The following ROBO2 variants were observed in gnomAD, a reference collection of about 807,000 sequenced individuals.
ROBO2 encodes the protein roundabout guidance receptor 2.
Under a neutral mutation model 160.8 loss-of-function variants are expected in ROBO2, and 53 were observed. The observed-to-expected ratio is 0.33, with a 90% CI of 0.26 to 0.41. The LOEUF (loss-of-function observed/expected upper bound fraction) is 0.41, where lower values mean the gene tolerates loss of function less well. ROBO2 is among the 10% of genes least tolerant of loss of function. ROBO2 has a pLI of 1.00. For missense variants in ROBO2, 1,577 were observed against 1,722.4 expected (o/e 0.92, Z 1.49); for synonymous variants, 664 against 611.7 (o/e 1.09, Z -1.26).
chr3:77,163,140 G>T (rs554609309), intron 2 of ROBO2, among the ~76,000 whole-genome samples: 1 of 152,122 alleles, frequency 6.6e-6, no homozygotes, highest in Admixed American at 6.6e-5. Flanking sequence ...CTGGCCAAGG[G>T]TATTACTTTT....
intron 2 of ROBO2, among the ~76,000 whole-genome samples, chr3:77,275,396 C>T (rs1242806717): frequency 1.3e-5 from 2 of 152,158 alleles, no homozygotes; most frequent in African/African-American, 4.8e-5. Flanking sequence ...CCCTGATAAA[C>T]TTGAGTGTAT....
intron 2 of ROBO2, among the ~76,000 whole-genome samples, chr3:76,521,124 C>T (rs1023740871): frequency 6.7e-6 from 1 of 149,000 alleles, no homozygotes; most frequent in Non-Finnish European, 1.5e-5. Context: ...TCTCAACTCA[C>T]CGCAACCTTT....
intron 2 of ROBO2, among the ~76,000 whole-genome samples, chr3:76,686,095 A>G (rs2092679768): frequency 6.6e-6 from 1 of 152,044 alleles, no homozygotes. Context: ...AGTGGAGGGG[A>G]AAGGGCCATC....
intron 2 of ROBO2, among the ~76,000 whole-genome samples, chr3:76,727,685 A>T (rs935784965): frequency 2.6e-5 from 4 of 152,172 alleles, no homozygotes; most frequent in African/African-American, 9.7e-5. Context: ...GTGGAAGCTA[A>T]AAAAGTTGAT....
intron 2 of ROBO2, among the ~76,000 whole-genome samples, chr3:77,158,694 G>A (rs766347440): frequency 2.3e-4 from 35 of 151,976 alleles, no homozygotes; most frequent in Non-Finnish European, 4.0e-4. Context: ...TTTGTCTTCC[G>A]ACATGCTGAA....
At chr3:76,885,172 A>G (rs2073754029) in intron 2 of ROBO2, among the ~76,000 whole-genome samples, 1 of 152,206 alleles carries the variant, frequency 6.6e-6, no homozygotes, top group Non-Finnish European at 1.5e-5. Context: ...AGCCATAGAT[A>G]TGTAACAGTG....
intron 2 of ROBO2, among the ~76,000 whole-genome samples, chr3:76,079,692 C>T (rs2068756887): frequency 6.6e-6 from 1 of 151,768 alleles, no homozygotes; most frequent in South Asian, 2.1e-4. Context: ...CACCGTGTTG[C>T]CCAGGCTGGT....
intron 2 of ROBO2, among the ~76,000 whole-genome samples, chr3:76,755,182 A>G (rs983679274): frequency 1.3e-5 from 2 of 151,952 alleles, no homozygotes; most frequent in Admixed American, 1.3e-4. Context: ...TCTAATACAT[A>G]TTAAAATCTA....
intron 2 of ROBO2, among the ~76,000 whole-genome samples, chr3:76,610,545 A>G (rs1482244120): frequency 6.6e-6 from 1 of 152,174 alleles, no homozygotes; most frequent in Non-Finnish European, 1.5e-5. Flanking sequence ...GGAAAGTCCC[A>G]AGGTCTAAGC....
intron 3 of ROBO2, among the ~76,000 whole-genome samples, chr3:77,480,625 G>A (rs2084575013): frequency 6.6e-6 from 1 of 152,140 alleles, no homozygotes; most frequent in South Asian, 2.1e-4. Flanking sequence ...GGGAGGCAAA[G>A]ATTTTTACCG....
At chr3:77,213,609 G>C (rs1225283852) in intron 2 of ROBO2, among the ~76,000 whole-genome samples, 1 of 151,910 alleles carries the variant, frequency 6.6e-6, no homozygotes, top group Non-Finnish European at 1.5e-5. Flanking sequence ...GTTATTTCTT[G>C]CCTTCTGCTA....
chr3:76,155,189 TA>T lies in ROBO2; in HGVS notation c.109+217593del, dbSNP rs1162484287. On this transcript the variant is annotated intron_variant, in intron 2 of 26. Coordinates refer to the ROBO2 transcript ENST00000487694. ...TGTTTTGCAATCCCCAATGAACTAA[TA>T]AAAAATAGGCCTAAATATTGATGGC... Among the ~76,000 whole-genome samples, 8 of 152,082 alleles carry T rather than the reference TA, an allele frequency of 5.3e-5. No individual in the cohort carries two copies. In the East Asian group the frequency reaches 1.5e-3, roughly 29 times the overall value.
chr3:77,270,944 TTA>T (rs2059447885), intron 2 of ROBO2, among the ~76,000 whole-genome samples: 2 of 71,180 alleles, frequency 2.8e-5, no homozygotes, highest in East Asian at 1.1e-3. Context: ...CTCTGTCTTT[TTA>T]AAAAAAAAAA....
chr3:76,151,263 T>G (rs920511670), intron 2 of ROBO2, among the ~76,000 whole-genome samples: 1 of 152,160 alleles, frequency 6.6e-6, no homozygotes, highest in African/African-American at 2.4e-5. Context: ...AATGCTCATA[T>G]GGAAATCTTT....
chr3:76,858,272 A>ATTT (rs2070359691), intron 2 of ROBO2, among the ~76,000 whole-genome samples: 1 of 152,086 alleles, frequency 6.6e-6, no homozygotes, highest in African/African-American at 2.4e-5. Context: ...ACACTCAGTA[A>ATTT]ATAGCTTTGT....
chr3:77,067,756 A>G (rs1015470994), intron 1 of ROBO2, among the ~76,000 whole-genome samples: 2 of 152,186 alleles, frequency 1.3e-5, no homozygotes, highest in Non-Finnish European at 2.9e-5. Flanking sequence ...CCTTCAGAAA[A>G]TAGATGAGAA....
At position 76,049,023 on chromosome 3, in the gene ROBO2, T is replaced by C. The variant is rs184380005; in HGVS notation, c.109+111421T>C. ...GCACATATGATGGTACAACTATTAATAAAAATAAAGAAGAATTAAAAACCA... is the reference window on the plus strand; with the variant it reads ...GCACATATGATGGTACAACTATTAACAAAAATAAAGAAGAATTAAAAACCA... On this transcript the variant is annotated intron_variant, in intron 2 of 26. Coordinates refer to the ROBO2 transcript ENST00000487694. Among the ~76,000 whole-genome samples, 7 of 152,126 alleles carry C rather than the reference T, an allele frequency of 4.6e-5. No individual in the cohort carries two copies. The East Asian group carries it at 1.2e-3, about 25-fold the overall frequency.
chr3:77,547,817 C>T lies in ROBO2; in HGVS notation c.1059+1355C>T, dbSNP rs562480387. ...TTCCAGGCCTTAACTCTCAAATCTT[C>T]TTTCTAATTTAGTAATTACAAAACA... On this transcript the variant is annotated intron_variant, in intron 7 of 25. Coordinates refer to ENST00000461745, the Ensembl canonical transcript of ROBO2. 5.9e-5 allele frequency among the ~76,000 whole-genome samples: 9 copies of T among 152,214 alleles called. No homozygotes were observed. In the East Asian group the frequency reaches 9.7e-4, roughly 16 times the overall value.
intron 2 of ROBO2, among the ~76,000 whole-genome samples, chr3:76,361,536 A>T (rs1292619663): frequency 6.6e-6 from 1 of 152,120 alleles, no homozygotes; most frequent in Non-Finnish European, 1.5e-5. Flanking sequence ...GAGAGCAAAA[A>T]CTTTTCAAAT....
Sources: gnomAD v4.1 joint callset for allele counts (sites outside exome capture counted in the v4.1 genomes callset) on GRCh38, gnomAD v4.1.1 for gene constraint, MANE v1.5 for transcripts, NCBI Gene and HGNC (gene_info 2026-07-23, HGNC 2026-07-21) for gene names.